PIAS2: variants seen among roughly 807,000 people sequenced by gnomAD.
The protein encoded by PIAS2 is E3 SUMO-protein ligase PIAS2.
Under a neutral mutation model 69.7 loss-of-function variants are expected in PIAS2, and 19 were observed. That is an observed-to-expected ratio of 0.27 (90% CI 0.19 to 0.40). The LOEUF (loss-of-function observed/expected upper bound fraction) is 0.40, where lower values mean the gene tolerates loss of function less well. Among genes scored for constraint, PIAS2 ranks in the 10% least tolerant of loss-of-function variants. The pLI is 1.00. For missense variants in PIAS2, 624 were observed against 757.0 expected (o/e 0.82, Z 2.06); for synonymous variants, 261 against 263.2 (o/e 0.99, Z 0.08).
Position 46,815,500 on chromosome 18 carries a change from T to G in PIAS2, c.1649-151A>C, listed in dbSNP as rs538962591. 2.8e-6 allele frequency: 4 copies of G among 1,435,658 alleles called. No homozygotes were observed. The African/African-American group carries it at 4.3e-5, about 15-fold the overall frequency. 88.9% of individuals were successfully genotyped at this position (1,435,658 alleles called of 1,614,324 possible). ...AGTTCTATACCATGATCAGTGATAT[T>G]TGAAGTGTTTAAAACCCAAAGATGA... On this transcript the variant is annotated intron_variant, in intron 12 of 13. Coordinates refer to ENST00000585916, the MANE Select transcript of PIAS2 (RefSeq NM_004671.5).
At chr18:46,917,103 G>C in intron 1 of PIAS2, 1 of 989,868 alleles carries the variant, frequency 1.0e-6, no homozygotes, top group Non-Finnish European at 1.2e-6. Context: ...GAGCCGGCTC[G>C]CCGCGGCCCA....
chr18:46,822,326 T>C (rs1384648719), intron 11 of PIAS2, among the ~76,000 whole-genome samples: 2 of 152,188 alleles, frequency 1.3e-5, no homozygotes, highest in Non-Finnish European at 2.9e-5. Context: ...AGTTCAGAAA[T>C]CTTTGATCAA....
intron 5 of PIAS2, 116 bp from the exon 6 acceptor site, chr18:46,846,957 T>A: frequency 1.2e-6 from 1 of 841,648 alleles, no homozygotes; most frequent in Non-Finnish European, 1.7e-6. Context: ...TATTTTAGCC[T>A]AAAAATCATA....
In PIAS2 at chr18:46,812,514, A is replaced by C. The variant is rs769406607; in HGVS notation, c.1785T>G (p.Val595=). 54 of 1,612,904 alleles carry C rather than the reference A, an allele frequency of 3.3e-5. No individual in the cohort carries two copies. The highest frequency in any genetic ancestry group is 4.5e-5 in the Non-Finnish European group (53 of 1,179,030). Residue 595 remains valine (V), a synonymous_variant, in exon 14 of 14, where the codon GTT becomes GTG. Coordinates refer to ENST00000585916, the MANE Select transcript of PIAS2 (RefSeq NM_004671.5). ...TTSSHESSTH[V]SSSSSRSETG... is the part of the protein sequence containing the mutation. ...TCTCACTCCTGCTGCTGGATGAACT[A>C]ACATGAGTACTGCTTTCATGGGAGC...
intron 2 of PIAS2, among the ~76,000 whole-genome samples, chr18:46,867,658 C>T (rs1474098836): frequency 6.6e-6 from 1 of 152,170 alleles, no homozygotes; most frequent in African/African-American, 2.4e-5. Flanking sequence ...TCAAACCTTT[C>T]CTTTTTCAAC....
intron 1 of PIAS2, among the ~76,000 whole-genome samples, chr18:46,913,016 C>T (rs985337712): frequency 6.6e-6 from 1 of 152,166 alleles, no homozygotes; most frequent in Non-Finnish European, 1.5e-5. Context: ...TATTTTGTTT[C>T]GAACGTGCTT....
At chr18:46,888,793 T>C (rs1156722749) in intron 2 of PIAS2, among the ~76,000 whole-genome samples, 1 of 152,008 alleles carries the variant, frequency 6.6e-6, no homozygotes, top group Admixed American at 6.5e-5. Context: ...GCTCAGGCTG[T>C]AATGCTCGAA....
chr18:46,817,567 C>T, intron 12 of PIAS2: 18 of 921,584 alleles, frequency 2.0e-5, no homozygotes, highest in Non-Finnish European at 2.3e-5. Flanking sequence ...AAGAGATTTA[C>T]TTATCTGTAT....
At chr18:46,818,594 ATGAC>A (rs1326649289) in intron 12 of PIAS2, 9 of 618,920 alleles carry the variant, frequency 1.5e-5, no homozygotes, top group East Asian at 3.8e-5. Flanking sequence ...TCTTCACAGT[ATGAC>A]TAACTACATA....
intron 12 of PIAS2, among the ~76,000 whole-genome samples, chr18:46,819,272 A>G (rs1339610311): frequency 6.6e-6 from 1 of 152,176 alleles, no homozygotes; most frequent in Non-Finnish European, 1.5e-5. Context: ...TTGGGAATTA[A>G]GAATCTCTGA....
chr18:46,877,565 C>T (rs987830401), intron 2 of PIAS2, among the ~76,000 whole-genome samples: 5 of 152,182 alleles, frequency 3.3e-5, no homozygotes, highest in Admixed American at 6.5e-5. Context: ...CCCTGACATG[C>T]CCAAACACGT....
At chr18:46,875,765 A>T (rs2051079202) in intron 2 of PIAS2, among the ~76,000 whole-genome samples, 1 of 152,216 alleles carries the variant, frequency 6.6e-6, no homozygotes, top group African/African-American at 2.4e-5. Flanking sequence ...CACTCTAAAC[A>T]AAAGAGATTG....
intron 2 of PIAS2, among the ~76,000 whole-genome samples, chr18:46,884,858 G>A (rs531011551): frequency 3.7e-4 from 56 of 151,986 alleles, no homozygotes; most frequent in Admixed American, 1.2e-3. Context: ...CAGAGGTTGC[G>A]GTGAGCTGAG....
chr18:46,913,315 T>C (rs573050230), intron 1 of PIAS2, among the ~76,000 whole-genome samples: 1 of 152,224 alleles, frequency 6.6e-6, no homozygotes, highest in Admixed American at 6.5e-5. Context: ...TGTTACAGAA[T>C]TACTTAGGCT....
intron 3 of PIAS2, among the ~76,000 whole-genome samples, chr18:46,857,214 A>G (rs1599814992): frequency 6.6e-6 from 1 of 151,932 alleles, no homozygotes; most frequent in East Asian, 1.9e-4. Flanking sequence ...TGAGCAACCC[A>G]TATCACTCCA....
intron 5 of PIAS2, among the ~76,000 whole-genome samples, chr18:46,851,232 T>C (rs1363115807): frequency 1.3e-5 from 2 of 152,222 alleles, no homozygotes; most frequent in East Asian, 3.9e-4. Context: ...CTGCTAAGTC[T>C]TCTGGCTGCA....
At chr18:46,909,528 G>A (rs888750988) in intron 1 of PIAS2, among the ~76,000 whole-genome samples, 3 of 152,288 alleles carry the variant, frequency 2.0e-5, no homozygotes, top group Non-Finnish European at 2.9e-5. Flanking sequence ...GATTACAGGC[G>A]TGAGCTACCA....
At chr18:46,853,107 T>C (rs1287714091) in intron 5 of PIAS2, 1 of 152,326 alleles carries the variant, frequency 6.6e-6, no homozygotes, top group Non-Finnish European at 1.5e-5. Flanking sequence ...CGAAGCCCTG[T>C]CTCTACAAAA....
intron 13 of PIAS2, among the ~76,000 whole-genome samples, chr18:46,814,774 G>A (rs2041334897): frequency 6.6e-6 from 1 of 152,162 alleles, no homozygotes; most frequent in Non-Finnish European, 1.5e-5. Context: ...CTCACTGCAA[G>A]GTCTTCATGT....
Sources: allele counts gnomAD v4.1 joint callset (sites outside exome capture counted in the v4.1 genomes callset), GRCh38; gene constraint gnomAD v4.1.1; transcripts MANE v1.5; gene names NCBI Gene and HGNC (gene_info 2026-07-23, HGNC 2026-07-21).